The following TARS2 variants were observed in gnomAD, a reference collection of about 807,000 sequenced individuals.
TARS2 encodes the protein threonine--tRNA ligase, mitochondrial.
TARS2 carries 61 observed loss-of-function variants against 94.4 expected under a neutral mutation model. That is an observed-to-expected ratio of 0.65 (90% CI 0.53 to 0.80). The LOEUF is 0.80. Among genes scored for constraint, TARS2 ranks in the 30% least tolerant of loss-of-function variants. The probability of loss-of-function intolerance (pLI) is 0.00; values close to 1 mark genes in which losing one functional copy is unlikely to be tolerated. For missense variants in TARS2, 704 were observed against 902.5 expected (o/e 0.78, Z 2.82); for synonymous variants, 359 against 353.4 (o/e 1.02, Z -0.18).
chr1:150,506,966 G>C lies in TARS2; in HGVS notation c.2059G>C (p.Asp687His). 1 of 1,614,194 alleles carries C rather than the reference G, an allele frequency of 6.2e-7. No homozygotes were observed. Residue 687 changes from aspartate to histidine, a missense_variant, in exon 18 of 18, where the codon GAT becomes CAT. Around this residue, in one of 3 missense-constraint regions of TARS2, gnomAD observed 466 missense variants for 609.5 expected, o/e 0.76. Coordinates refer to ENST00000369064, the MANE Select transcript of TARS2 (RefSeq NM_025150.5). ...SKRTVNIRTR[D>H]NRRLGEWDLP... The stretch of plus-strand genomic sequence containing the variant: ...GAGAACAGTGAACATTCGGACTCGA[G>C]ATAATCGTCGCCTTGGGGAGTGGGA...
chr1:150,499,412 A>G, intron 13 of TARS2, 119 bp downstream of exon 13: 2 of 926,932 alleles, frequency 2.2e-6, no homozygotes, highest in Non-Finnish European at 3.2e-6. Context: ...CACCCAGGCT[A>G]AAATGCAGTG....
At chr1:150,491,336 C>T in intron 4 of TARS2, 58 bp from the exon 5 acceptor site, 1 of 1,566,868 alleles carries the variant, frequency 6.4e-7, no homozygotes, top group Non-Finnish European at 8.8e-7. Flanking sequence ...ACAGGTGTGT[C>T]ACCCAGGTGA....
rs779944291 is a variant in TARS2 at position 150,504,642 on chromosome 1, G to A, written c.1729G>A (p.Ala577Thr). The A allele has an allele frequency of 6.2e-7, 1 of 1,614,020 alleles. No homozygotes were observed. The highest frequency in any genetic ancestry group is 2.2e-5 in the East Asian group (1 of 44,880). ...CTTTTTCCTTTCAAGGCAGGCGGGT[G>A]CCCTGGAGCGTCCAGTCCTCATTCA... is the stretch of plus-strand genomic sequence containing the variant. The part of the protein sequence containing the change: ...FDLQYKGQAG[A>T]LERPVLIHRA... The change falls in exon 15 of 18, where the codon GCC becomes ACC. Residue 577 changes from alanine (A) to threonine (T), a missense_variant. Ala to Thr is a moderately conservative substitution (Grantham distance 58). Transcript: ENST00000369064.
At chr1:150,504,162 G>A (rs1670089962) in intron 13 of TARS2, among the ~76,000 whole-genome samples, 173 bp from the exon 14 acceptor site, 1 of 152,160 alleles carries the variant, frequency 6.6e-6, no homozygotes, top group Admixed American at 6.5e-5. Context: ...CTGCCAGAGT[G>A]AGTTGAGTAG....
chr1:150,501,526 T>C (rs1285496168), intron 13 of TARS2, among the ~76,000 whole-genome samples: 5 of 149,948 alleles, frequency 3.3e-5, no homozygotes, highest in South Asian at 2.1e-4. Flanking sequence ...TTAGTAGATA[T>C]GGGGTTTCAC....
chr1:150,488,464 G>A (rs1669244768), intron 2 of TARS2: 2 of 152,256 alleles, frequency 1.3e-5, no homozygotes, highest in Non-Finnish European at 2.9e-5. Flanking sequence ...TGAGAGATGA[G>A]CAACTTTCTC....
intron 7 of TARS2, among the ~76,000 whole-genome samples, chr1:150,494,510 T>A (rs2102485781): frequency 6.7e-6 from 1 of 148,902 alleles, no homozygotes; most frequent in Middle Eastern, 3.8e-3. Context: ...GAGGCCAAGT[T>A]GGGCGGATCA....
chr1:150,498,798 C>G (rs1019674500), intron 11 of TARS2, 99 bp from the exon 12 acceptor site: 7 of 1,608,218 alleles, frequency 4.4e-6, no homozygotes, highest in Non-Finnish European at 5.9e-6. Context: ...AGCTTGCTTC[C>G]GCTTCCTCTC....
At chr1:150,488,763 A>C (rs1669255100) in intron 2 of TARS2, 3 of 569,294 alleles carry the variant, frequency 5.3e-6, no homozygotes. Context: ...CCTTCTGTCT[A>C]ACTCTATTTT....
chr1:150,490,547 T>C (rs897681213), intron 3 of TARS2, 54 bp from the exon 4 acceptor site: 2 of 1,580,274 alleles, frequency 1.3e-6, no homozygotes, highest in African/African-American at 2.7e-5. Flanking sequence ...CTCAGAGATC[T>C]AGGGGTTAAG....
chr1:150,500,708 A>G (rs1303662788), intron 13 of TARS2, among the ~76,000 whole-genome samples: 4 of 152,076 alleles, frequency 2.6e-5, no homozygotes, highest in African/African-American at 9.7e-5. Flanking sequence ...TACTAAAAAT[A>G]CAAAAATTAG....
At chr1:150,499,081 G>T in intron 12 of TARS2, 47 bp downstream of exon 12, 1 of 1,613,694 alleles carries the variant, frequency 6.2e-7, no homozygotes, top group Non-Finnish European at 8.5e-7. Flanking sequence ...ACTCTCTGGT[G>T]GGAAGGAGTG....
At position 150,507,050 on chromosome 1, in the gene TARS2, G is replaced by A. The variant is rs756855066; in HGVS notation, c.2143G>A (p.Glu715Lys). ...ELQNTRVPNA[E>K]EIF Reference sequence around the variant, plus strand: ...ACAGAACACGAGGGTCCCAAATGCCGAAGAAATTTTCTGAGCCTTTGTACA... The same window carrying A: ...ACAGAACACGAGGGTCCCAAATGCCAAAGAAATTTTCTGAGCCTTTGTACA... Residue 715 changes from glutamate (E) to lysine (K), a missense_variant, in exon 18 of 18, where the codon GAA (glutamate) becomes AAA (lysine). Physicochemically the swap from Glu to Lys is moderately conservative, Grantham distance 56. Around this residue, in one of 3 missense-constraint regions of TARS2, gnomAD observed 466 missense variants for 609.5 expected, o/e 0.76. Coordinates refer to ENST00000369064, the MANE Select transcript of TARS2 (RefSeq NM_025150.5). 30 of 1,614,118 alleles carry A rather than the reference G, an allele frequency of 1.9e-5. No individual in the cohort carries two copies. Among genetic ancestry groups the A allele is most frequent in the South Asian group, 1.5e-4 (14 of 91,076 alleles).
chr1:150,495,338 C>T (rs72698868), intron 7 of TARS2, among the ~76,000 whole-genome samples: 33,340 of 150,006 alleles, frequency 0.22, 4,129 homozygotes, highest in African/African-American at 0.32. Context: ...GATGTATATA[C>T]ACACACACAC....
chr1:150,496,520 G>C lies in TARS2; in HGVS notation c.813G>C (p.Glu271Asp). 6.2e-7 allele frequency: 1 copy of C among 1,614,110 alleles called. No homozygotes were observed. The highest frequency in any genetic ancestry group is 8.5e-7 in the Non-Finnish European group (1 of 1,180,016). The change falls in exon 8 of 18, where the codon GAG becomes GAC. Residue 271 changes from glutamate (E) to aspartate (D), a missense_variant. Coordinates refer to ENST00000369064, the MANE Select transcript of TARS2 (RefSeq NM_025150.5). ...TATGGAGGTCTTCAGGGGCCCCAGA[G>C]ACACTGCAGAGAGTGTCAGGGATTT... The part of the protein sequence containing the change: ...SSLWRSSGAP[E>D]TLQRVSGISF...
Position 150,497,656 on chromosome 1 carries a change from T to C in TARS2, c.1147T>C (p.Ser383Pro), listed in dbSNP as rs762276753. 4 of 1,614,176 alleles carry C rather than the reference T, an allele frequency of 2.5e-6. No individual in the cohort carries two copies. Among genetic ancestry groups the C allele is most frequent in the Non-Finnish European group, 3.4e-6 (4 of 1,180,032 alleles). ...EDMFAVQPPG[S>P]DRPPSSQSDD... is the part of the protein sequence containing the mutation. ...CATGTTTGCCGTGCAGCCCCCAGGC[T>C]CTGACAGGCCTCCCAGCTCCCAGAG... The change falls in exon 10 of 18, where the codon TCT becomes CCT. Residue 383 changes from serine to proline, a missense_variant. Transcript: ENST00000369064.
In TARS2 at chr1:150,496,470, G is replaced by T. The variant is rs746303196; in HGVS notation, c.775-12G>T. 1 of 1,603,914 alleles carries T rather than the reference G, an allele frequency of 6.2e-7. No individual in the cohort carries two copies. Among genetic ancestry groups the T allele is most frequent in the Non-Finnish European group, 8.5e-7 (1 of 1,173,416 alleles). ...CCTCATCTTTCCTTTGATCCCCTAT[G>T]TCCTCACACAGAACTCATCATCCTT... is the stretch of plus-strand genomic sequence containing the variant. On this transcript the variant is annotated splice_polypyrimidine_tract_variant and intron_variant, in intron 7 of 17. Coordinates refer to ENST00000369064, the MANE Select transcript of TARS2 (RefSeq NM_025150.5).
intron 8 of TARS2, 78 bp downstream of exon 8, chr1:150,496,706 A>G: frequency 1.3e-6 from 2 of 1,599,546 alleles, no homozygotes; most frequent in Non-Finnish European, 8.5e-7. Context: ...TGAAATTGGG[A>G]GCAGATTCAG....
intron 17 of TARS2, among the ~76,000 whole-genome samples, chr1:150,506,539 T>G (rs370295308): frequency 2.5e-4 from 30 of 119,098 alleles, no homozygotes; most frequent in Non-Finnish European, 3.1e-4. Context: ...GGGGTTCTCA[T>G]TGTTTGTCTT....
Sources: gnomAD v4.1 joint callset for allele counts (sites outside exome capture counted in the v4.1 genomes callset) on GRCh38, gnomAD v4.1.1 for gene constraint, gnomAD v4.1.1 regional missense constraint, MANE v1.5 for transcripts, NCBI Gene and HGNC (gene_info 2026-07-23, HGNC 2026-07-21) for gene names.